PRKCI: variants seen among roughly 807,000 people sequenced by gnomAD.
PRKCI encodes protein kinase C iota type.
Under a neutral mutation model 84.0 loss-of-function variants are expected in PRKCI, and 43 were observed. The ratio of observed to expected loss-of-function variants is 0.51; its 90% CI spans 0.40 to 0.66. The LOEUF is 0.66. Among genes scored for constraint, PRKCI ranks in the 30% least tolerant of loss-of-function variants. PRKCI has a pLI of 0.00. For missense variants in PRKCI, 459 were observed against 745.6 expected (o/e 0.62, Z 4.48); for synonymous variants, 216 against 234.4 (o/e 0.92, Z 0.72).
intron 8 of PRKCI, among the ~76,000 whole-genome samples, chr3:170,275,493 CTT>C (rs1419398988): frequency 1.3e-5 from 2 of 151,934 alleles, no homozygotes; most frequent in African/African-American, 4.8e-5. Flanking sequence ...AGTGGGATAA[CTT>C]ATTTTCATTT....
intron 3 of PRKCI, 44 bp from the exon 4 acceptor site, chr3:170,263,335 G>A (rs755326704): frequency 1.3e-6 from 2 of 1,505,134 alleles, no homozygotes; most frequent in Admixed American, 1.7e-5. Flanking sequence ...TAATTTGTAT[G>A]TTTTAAATAT....
In PRKCI at chr3:170,289,578, A is replaced by C. The variant is rs189983761; in HGVS notation, c.1204-2276A>C. Among the ~76,000 whole-genome samples, 548 of 152,192 alleles carry C rather than the reference A, an allele frequency of 3.6e-3. 2 individuals carry two copies. The highest frequency in any genetic ancestry group is 5.3e-3 in the Non-Finnish European group (359 of 68,000). ...CACCTGAGGTCAGGAGTTTGAGACC[A>C]ACCTGGCCAACATGGCAAAACCCCA... On this transcript the variant is annotated intron_variant, in intron 12 of 17. Transcript: ENST00000295797.
intron 4 of PRKCI, among the ~76,000 whole-genome samples, chr3:170,266,309 T>A (rs1379464482): frequency 6.6e-6 from 1 of 152,196 alleles, no homozygotes; most frequent in Non-Finnish European, 1.5e-5. Flanking sequence ...TTACAAAGAC[T>A]GAAATGTACC....
chr3:170,303,092 A>C lies in PRKCI; in HGVS notation c.1756A>C (p.Asn586His). The change falls in exon 18 of 18, where the codon AAT becomes CAT. Residue 586 changes from asparagine (N) to histidine (H), a missense_variant. Asn to His is a moderately conservative substitution (Grantham distance 68, BLOSUM62 1). Transcript: ENST00000295797. ...QSEFEGFEYI[N>H]PLLMSAEECV ...TGAATTTGAAGGTTTTGAGTATATC[A>C]ATCCTCTTTTGATGTCTGCAGAAGA... 6.2e-7 allele frequency: 1 copy of C among 1,605,334 alleles called. No homozygotes were observed. The highest frequency in any genetic ancestry group is 8.5e-7 in the Non-Finnish European group (1 of 1,176,810).
At chr3:170,260,206 C>G in intron 3 of PRKCI, 148 bp downstream of exon 3, 2 of 546,020 alleles carry the variant, frequency 3.7e-6, no homozygotes, top group Non-Finnish European at 6.3e-6. Flanking sequence ...TTAGTAGTTT[C>G]TCACGTGCTA....
At chr3:170,277,970 AGT>A (rs1225486523) in intron 8 of PRKCI, among the ~76,000 whole-genome samples, 1 of 152,100 alleles carries the variant, frequency 6.6e-6, no homozygotes, top group Non-Finnish European at 1.5e-5. Context: ...AACTCAATTT[AGT>A]TTTTCCTTTA....
At chr3:170,301,276 G>A (rs1206965047) in intron 17 of PRKCI, among the ~76,000 whole-genome samples, 1 of 152,140 alleles carries the variant, frequency 6.6e-6, no homozygotes, top group East Asian at 1.9e-4. Context: ...GGTAACCTTG[G>A]ATAGGAATTG....
At chr3:170,279,986 T>C (rs1000659620) in intron 8 of PRKCI, among the ~76,000 whole-genome samples, 1 of 152,180 alleles carries the variant, frequency 6.6e-6, no homozygotes, top group African/African-American at 2.4e-5. Context: ...CTTCGATGTT[T>C]TTGTGATTTC....
At chr3:170,274,607 A>G (rs193216848) in intron 7 of PRKCI, among the ~76,000 whole-genome samples, 1 of 152,254 alleles carries the variant, frequency 6.6e-6, no homozygotes, top group Non-Finnish European at 1.5e-5. Context: ...GAGGTAGAAC[A>G]GCATGATCTT....
intron 4 of PRKCI, among the ~76,000 whole-genome samples, chr3:170,264,794 G>A (rs901210200): frequency 6.6e-6 from 1 of 152,180 alleles, no homozygotes; most frequent in Non-Finnish European, 1.5e-5. Context: ...ATGAATTAGT[G>A]TGGAGGTGAA....
chr3:170,222,867 G>A, intron 1 of PRKCI, 97 bp downstream of exon 1: 1 of 385,028 alleles, frequency 2.6e-6, no homozygotes, highest in Non-Finnish European at 4.7e-6. Flanking sequence ...TGTTGTGGGC[G>A]GATTGGGCTG....
chr3:170,254,174 T>C (rs963552319), intron 2 of PRKCI, among the ~76,000 whole-genome samples: 3 of 152,198 alleles, frequency 2.0e-5, no homozygotes, highest in Non-Finnish European at 2.9e-5. Context: ...TTTTTTCCTA[T>C]TGAGTTGTTT....
chr3:170,228,616 TACACACAC>T lies in PRKCI; in HGVS notation c.101+5864_101+5871del, dbSNP rs36006947. On this transcript the variant is annotated intron_variant, in intron 1 of 17. Coordinates refer to ENST00000295797, the MANE Select transcript of PRKCI (RefSeq NM_002740.6). ...ACACACACACAAATATATATATATA[TACACACAC>T]ACACACACACACACACATATACATA... Among the ~76,000 whole-genome samples the T allele has an allele frequency of 2.6e-4, 38 of 147,384 alleles. 1 individual carries two copies. The highest frequency in any genetic ancestry group is 6.5e-4 in the South Asian group (3 of 4,646).
chr3:170,291,728 A>C, intron 12 of PRKCI, 126 bp from the exon 13 acceptor site: 2 of 686,760 alleles, frequency 2.9e-6, no homozygotes, highest in East Asian at 2.8e-5. Context: ...CAATTGTTCT[A>C]GTGATGTTAA....
intron 4 of PRKCI, among the ~76,000 whole-genome samples, chr3:170,264,628 A>G (rs1207773849): frequency 6.6e-6 from 1 of 152,048 alleles, no homozygotes; most frequent in East Asian, 1.9e-4. Flanking sequence ...CCTACAGTTG[A>G]CCCAGAGAAA....
At chr3:170,263,553 G>A (rs1422033173) in intron 4 of PRKCI, 124 bp downstream of exon 4, 1 of 732,382 alleles carries the variant, frequency 1.4e-6, no homozygotes, top group Non-Finnish European at 2.2e-6. Context: ...TGTAATCCCA[G>A]CACTGTGGGA....
At chr3:170,243,753 G>T (rs1055304813) in intron 2 of PRKCI, among the ~76,000 whole-genome samples, 1 of 152,148 alleles carries the variant, frequency 6.6e-6, no homozygotes, top group Non-Finnish European at 1.5e-5. Flanking sequence ...CTGCACTCCA[G>T]GGGTACTGTA....
intron 11 of PRKCI, among the ~76,000 whole-genome samples, chr3:170,282,180 C>G (rs1214470828): frequency 6.6e-6 from 1 of 152,180 alleles, no homozygotes; most frequent in Non-Finnish European, 1.5e-5. Context: ...TGTACATACA[C>G]ATGCACACAG....
intron 1 of PRKCI, among the ~76,000 whole-genome samples, chr3:170,233,544 C>G (rs1052716077): frequency 1.3e-5 from 2 of 152,056 alleles, no homozygotes; most frequent in Non-Finnish European, 2.9e-5. Context: ...TCATTTTTAG[C>G]TTTGGTACTG....
Sources: allele counts gnomAD v4.1 joint callset (sites outside exome capture counted in the v4.1 genomes callset), GRCh38; gene constraint gnomAD v4.1.1; transcripts MANE v1.5; gene names NCBI Gene and HGNC (gene_info 2026-07-23, HGNC 2026-07-21).